GPC5: variants seen among roughly 807,000 people sequenced by gnomAD.
The protein encoded by GPC5 is glypican-5.
Under a neutral mutation model 53.9 loss-of-function variants are expected in GPC5, and 47 were observed. The ratio of observed to expected loss-of-function variants is 0.87; its 90% CI spans 0.69 to 1.11. The LOEUF is 1.11. Among genes scored for constraint, GPC5 ranks in the 50% most tolerant of loss-of-function variants. GPC5 has a pLI of 0.00. For missense variants in GPC5, 748 were observed against 713.1 expected, an observed-to-expected ratio of 1.05 and a Z score of -0.56; for synonymous variants, 286 against 263.3, an observed-to-expected ratio of 1.09 and a Z score of -0.84.
intron 6 of GPC5, among the ~76,000 whole-genome samples, chr13:92,072,207 A>G (rs566225736): frequency 4.7e-5 from 7 of 148,854 alleles, no homozygotes; most frequent in Non-Finnish European, 1.0e-4. Flanking sequence ...TAAAATGTAT[A>G]TATAAATATA....
At chr13:92,540,191 A>G (rs1881888924) in intron 7 of GPC5, among the ~76,000 whole-genome samples, 1 of 152,006 alleles carries the variant, frequency 6.6e-6, no homozygotes, top group Non-Finnish European at 1.5e-5. Flanking sequence ...CATCAATATG[A>G]AAAGCTCTAT....
chr13:92,597,814 C>T (rs1462106310), intron 7 of GPC5, among the ~76,000 whole-genome samples: 1 of 152,202 alleles, frequency 6.6e-6, no homozygotes, highest in Non-Finnish European at 1.5e-5. Context: ...ATACTTTTTA[C>T]TGTGGCATCT....
intron 7 of GPC5, among the ~76,000 whole-genome samples, chr13:92,596,943 A>C (rs1461072146): frequency 6.6e-6 from 1 of 152,234 alleles, no homozygotes; most frequent in Non-Finnish European, 1.5e-5. Context: ...CAAGATCCAC[A>C]GCCCTGAAGG....
chr13:92,344,345 C>G (rs145048203), intron 7 of GPC5, among the ~76,000 whole-genome samples: 1 of 152,232 alleles, frequency 6.6e-6, no homozygotes, highest in Non-Finnish European at 1.5e-5. Context: ...TACCTCCCAT[C>G]AAGTCCCTCC....
intron 2 of GPC5, among the ~76,000 whole-genome samples, chr13:91,561,002 G>A (rs1267810999): frequency 6.6e-6 from 1 of 152,060 alleles, no homozygotes; most frequent in Non-Finnish European, 1.5e-5. Flanking sequence ...TTACTAGAGT[G>A]ACTGTGCCCT....
chr13:92,506,263 AAC>A (rs1465868119), intron 7 of GPC5, among the ~76,000 whole-genome samples: 2 of 152,176 alleles, frequency 1.3e-5, no homozygotes, highest in African/African-American at 4.8e-5. Context: ...TCATTATAGG[AAC>A]ACACACTTTT....
chr13:92,337,364 TC>T (rs1367764252), intron 7 of GPC5, among the ~76,000 whole-genome samples: 3 of 152,128 alleles, frequency 2.0e-5, no homozygotes, highest in Admixed American at 2.0e-4. Flanking sequence ...AGATGTTAGT[TC>T]TTCACAACTG....
intron 5 of GPC5, among the ~76,000 whole-genome samples, chr13:91,780,525 T>A (rs2037782427): frequency 6.6e-6 from 1 of 152,182 alleles, no homozygotes; most frequent in Admixed American, 6.6e-5. Flanking sequence ...ACCTCTACCC[T>A]TCTATGAGCT....
chr13:91,755,748 A>T (rs1337045494), intron 4 of GPC5, among the ~76,000 whole-genome samples: 1 of 152,046 alleles, frequency 6.6e-6, no homozygotes, highest in Non-Finnish European at 1.5e-5. Flanking sequence ...TTTGGGTCAT[A>T]TTTAGTAAAG....
At chr13:91,973,937 C>G (rs1439884095) in intron 6 of GPC5, among the ~76,000 whole-genome samples, 1 of 152,174 alleles carries the variant, frequency 6.6e-6, no homozygotes, top group Non-Finnish European at 1.5e-5. Context: ...GTTCAGGGAC[C>G]CACTTGAGGA....
intron 5 of GPC5, among the ~76,000 whole-genome samples, chr13:91,815,385 T>C (rs11618663): frequency 0.017 from 2,605 of 152,116 alleles, 46 homozygotes; most frequent in Middle Eastern, 0.075. Context: ...AACCAGAACA[T>C]GCATTGCTCT....
At position 92,388,378 on chromosome 13, in the gene GPC5, A is replaced by G. The variant is rs140211708; in HGVS notation, c.1561+243389A>G. On this transcript the variant is annotated intron_variant, in intron 7 of 7. Transcript: ENST00000377067. ...AATCTCTGGTAACTAAGTTTATGAC[A>G]TTTAACTGGAAAGATAGACTATCTT... Among the ~76,000 whole-genome samples, 236 of 152,178 alleles carry G rather than the reference A, an allele frequency of 1.6e-3. 3 individuals are homozygous for G. Among genetic ancestry groups the G allele is most frequent in the East Asian group, 0.013 (65 of 5,182 alleles).
intron 7 of GPC5, among the ~76,000 whole-genome samples, chr13:92,498,527 A>G (rs1880066603): frequency 6.6e-6 from 1 of 152,064 alleles, no homozygotes; most frequent in South Asian, 2.1e-4. Context: ...CCATTGAGAG[A>G]CTGCCTTTCC....
At position 91,572,192 on chromosome 13, in the gene GPC5, C is replaced by CACATATGTATATATACGTGTGTATAT. The variant is rs1594274140; in HGVS notation, c.326-120992_326-120991insTATGTATATATACGTGTGTATATACA. On this transcript the variant is annotated intron_variant, in intron 2 of 7. Transcript: ENST00000377067. ...ATATGTATATATACGTGTGTATACA[C>CACATATGTATATATACGTGTGTATAT]ACACATATGTATATATACGTGTATA... Among the ~76,000 whole-genome samples, 38 of 110,338 alleles carry CACATATGTATATATACGTGTGTATAT rather than the reference C, an allele frequency of 3.4e-4. 4 individuals are homozygous for CACATATGTATATATACGTGTGTATAT. Among genetic ancestry groups the CACATATGTATATATACGTGTGTATAT allele is most frequent in the African/African-American group, 1.4e-3 (28 of 19,746 alleles). 72.4% of individuals were successfully genotyped at this position (110,338 alleles called of 152,430 possible).
chr13:92,762,664 C>A (rs1225421457), intron 7 of GPC5, among the ~76,000 whole-genome samples: 1 of 152,056 alleles, frequency 6.6e-6, no homozygotes, highest in Non-Finnish European at 1.5e-5. Flanking sequence ...AATAAGCATT[C>A]TTTTTCCATC....
intron 2 of GPC5, among the ~76,000 whole-genome samples, chr13:91,481,160 A>T (rs1883279388): frequency 6.6e-6 from 1 of 152,136 alleles, no homozygotes; most frequent in Non-Finnish European, 1.5e-5. Flanking sequence ...TTTTCTGCAG[A>T]GAATGTCTTG....
intron 6 of GPC5, among the ~76,000 whole-genome samples, chr13:92,139,310 A>G (rs2041810226): frequency 6.6e-6 from 1 of 152,212 alleles, no homozygotes; most frequent in Non-Finnish European, 1.5e-5. Flanking sequence ...GAAATAAAGT[A>G]TGTAATCACT....
intron 7 of GPC5, among the ~76,000 whole-genome samples, chr13:92,699,736 T>C (rs992502978): frequency 6.6e-6 from 1 of 152,168 alleles, no homozygotes; most frequent in Admixed American, 6.5e-5. Flanking sequence ...AGTTGTGCAA[T>C]TTTGAGTGAG....
intron 2 of GPC5, among the ~76,000 whole-genome samples, chr13:91,494,098 G>T (rs1884099859): frequency 6.6e-6 from 1 of 151,578 alleles, no homozygotes; most frequent in South Asian, 2.1e-4. Context: ...CAACATGTTG[G>T]CCAGGATGGT....
Sources: allele counts gnomAD v4.1 joint callset (sites outside exome capture counted in the v4.1 genomes callset), GRCh38; gene constraint gnomAD v4.1.1; transcripts MANE v1.5; gene names NCBI Gene and HGNC (gene_info 2026-07-23, HGNC 2026-07-21).